Variants in ADGRF5 observed in about 807,000 individuals in gnomAD.
The protein encoded by ADGRF5 is adhesion G protein-coupled receptor F5.
In ADGRF5, 75 loss-of-function variants were observed where a neutral mutation model predicts 132.3. The ratio of observed to expected loss-of-function variants is 0.57; its 90% CI spans 0.47 to 0.69. The LOEUF is 0.69. Among genes scored for constraint, ADGRF5 ranks in the 30% least tolerant of loss-of-function variants. The pLI is 0.00. For synonymous variants in ADGRF5, 629 were observed against 597.6 expected (o/e 1.05, Z -0.77); for missense variants, 1,516 against 1,630.6 (o/e 0.93, Z 1.21).
At chr6:46,893,059 T>TG (rs1773818869) in intron 3 of ADGRF5, among the ~76,000 whole-genome samples, 1 of 18,960 alleles carries the variant, frequency 5.3e-5, no homozygotes, top group Non-Finnish European at 9.4e-5. Context: ...ACAACAGGGA[T>TG]TTTTTTTTTT....
chr6:46,953,738 T>C (rs906146729), intron 1 of ADGRF5, among the ~76,000 whole-genome samples: 1 of 144,228 alleles, frequency 6.9e-6, no homozygotes, highest in South Asian at 2.2e-4. Flanking sequence ...AAGACCCCTG[T>C]AGCAGGGTAT....
intron 1 of ADGRF5, among the ~76,000 whole-genome samples, chr6:46,939,614 G>A (rs958952686): frequency 6.6e-6 from 1 of 151,924 alleles, no homozygotes. Context: ...GCTTCCTTTT[G>A]AACTCATTGT....
chr6:46,860,880 G>A lies in ADGRF5; in HGVS notation c.2214C>T (p.Ser738=), dbSNP rs1291926172. The change falls in exon 16 of 21, where the codon AGC becomes AGT. Residue 738 remains serine, a synonymous_variant. Coordinates refer to ENST00000283296, the MANE Select transcript of ADGRF5 (RefSeq NM_001098518.2). ...TAGGGAGCATCTCATCCTGAGAGGG[G>A]CTCTTGATCAAAGCCTAGTAAAACA... ...LLQMAKALIK[S]PSQDEMLPTY... is the part of the protein sequence containing the mutation. The A allele has an allele frequency of 1.2e-6, 2 of 1,604,956 alleles. No homozygotes were observed. The highest frequency in any genetic ancestry group is 1.3e-5 in the African/African-American group (1 of 74,672).
rs149030760 is a variant in ADGRF5, at chr6:46,864,089, A to G, written c.1990+953T>C. 3.5e-4 allele frequency among the ~76,000 whole-genome samples: 53 copies of G among 152,320 alleles called. 1 individual carries two copies. Among genetic ancestry groups the G allele is most frequent in the African/African-American group, 1.3e-3 (52 of 41,578 alleles). ...CAAGTCCTGTTGCTGGGAAGATTTA[A>G]GAGGATGAGGAGTTGCTTATGGTAG... On this transcript the variant is annotated intron_variant, in intron 14 of 20. Transcript: ENST00000283296.
chr6:46,875,995 C>A (rs1771607853), intron 10 of ADGRF5, among the ~76,000 whole-genome samples: 1 of 152,182 alleles, frequency 6.6e-6, no homozygotes, highest in Non-Finnish European at 1.5e-5. Flanking sequence ...TCATCCTTTT[C>A]CAGAGTGCTT....
chr6:46,892,618 C>A (rs1224486756), intron 3 of ADGRF5, among the ~76,000 whole-genome samples: 1 of 152,000 alleles, frequency 6.6e-6, no homozygotes, highest in Non-Finnish European at 1.5e-5. Context: ...GGTGTGATGG[C>A]AGGCACCTGT....
chr6:46,887,125 A>G (rs1435241361), intron 4 of ADGRF5: 1 of 152,232 alleles, frequency 6.6e-6, no homozygotes, highest in African/African-American at 2.4e-5. Context: ...CTAAAGCTCA[A>G]GTGTCTATAA....
At chr6:46,911,936 A>G (rs1775989829) in intron 1 of ADGRF5, among the ~76,000 whole-genome samples, 1 of 152,168 alleles carries the variant, frequency 6.6e-6, no homozygotes, top group African/African-American at 2.4e-5. Context: ...TACCGAGAAC[A>G]GTAATCATAA....
chr6:46,922,831 T>A (rs576521425), upstream of ADGRF5, among the ~76,000 whole-genome samples: 3 of 152,330 alleles, frequency 2.0e-5, no homozygotes, highest in African/African-American at 7.2e-5. Context: ...CCTCATAGTG[T>A]CAAAGAAAGG....
chr6:46,919,510 G>A (rs867678373), intron 1 of ADGRF5, among the ~76,000 whole-genome samples: 3 of 152,192 alleles, frequency 2.0e-5, no homozygotes, highest in Admixed American at 6.5e-5. Context: ...TGAGGAGGTG[G>A]GACCCCATGG....
intron 14 of ADGRF5, among the ~76,000 whole-genome samples, chr6:46,864,453 C>G (rs1165225686): frequency 6.6e-6 from 1 of 152,152 alleles, no homozygotes; most frequent in Admixed American, 6.5e-5. Context: ...TTCTAATCAC[C>G]TGGTAAACTC....
intron 10 of ADGRF5, among the ~76,000 whole-genome samples, chr6:46,874,495 T>G (rs1329291073): frequency 1.3e-5 from 2 of 152,148 alleles, no homozygotes; most frequent in East Asian, 3.8e-4. Flanking sequence ...GAAGTCAATA[T>G]GTTATGTAGA....
rs548759648 is a variant in ADGRF5, at chr6:46,881,380, T to C, written c.814+75A>G. 3.1e-6 allele frequency: 4 copies of C among 1,307,434 alleles called. No individual in the cohort carries two copies. In the Admixed American group the frequency reaches 5.2e-5, roughly 17 times the overall value. 81.0% of individuals were successfully genotyped at this position (1,307,434 alleles called of 1,614,324 possible). A position where few individuals can be genotyped will look rare whatever the true frequency, so the allele number is the denominator to read the frequency against. On this transcript the variant is annotated intron_variant, in intron 8 of 20. Transcript: ENST00000283296. ...GGAGTGTCTAGCTTCCCAGAGGACATTGTAGCATAAACTAATTTCCTAGGT... is the reference window on the plus strand; with the variant it reads ...GGAGTGTCTAGCTTCCCAGAGGACACTGTAGCATAAACTAATTTCCTAGGT...
intron 1 of ADGRF5, among the ~76,000 whole-genome samples, 153 bp downstream of exon 1, chr6:46,921,560 T>C (rs1385461608): frequency 6.6e-6 from 1 of 152,174 alleles, no homozygotes; most frequent in Non-Finnish European, 1.5e-5. Context: ...ATACTTAACT[T>C]TCCCAACATA....
chr6:46,884,345 G>C, intron 4 of ADGRF5, 74 bp from the exon 5 acceptor site: 1 of 1,177,286 alleles, frequency 8.5e-7, no homozygotes, highest in Non-Finnish European at 1.2e-6. Context: ...ATAGCCTGCA[G>C]GTATTCATTC....
chr6:46,887,391 A>G (rs1773163322), intron 4 of ADGRF5, among the ~76,000 whole-genome samples: 1 of 152,204 alleles, frequency 6.6e-6, no homozygotes, highest in Admixed American at 6.5e-5. Flanking sequence ...AGTGGGAAAC[A>G]CAGCAGAAGT....
Position 46,853,983 on chromosome 6 carries a change from A to C in ADGRF5, c.*9T>G. ...CCCGGGAGGTCACGTAGGTTGGATTATCCTGTTCTTAGTTGAGCAACGAAG... is the reference window on the plus strand; with the variant it reads ...CCCGGGAGGTCACGTAGGTTGGATTCTCCTGTTCTTAGTTGAGCAACGAAG... On this transcript the variant is annotated 3_prime_UTR_variant, in exon 21 of 21. Transcript: ENST00000283296. The C allele has an allele frequency of 6.3e-7, 1 of 1,591,462 alleles. No homozygotes were observed. The highest frequency in any genetic ancestry group is 2.3e-5 in the East Asian group (1 of 43,692).
intron 10 of ADGRF5, among the ~76,000 whole-genome samples, chr6:46,874,105 C>G (rs1771380843): frequency 1.3e-5 from 2 of 152,210 alleles, no homozygotes; most frequent in Non-Finnish European, 2.9e-5. Flanking sequence ...GTTCAGCTCT[C>G]ACCATCTGAT....
intron 1 of ADGRF5, among the ~76,000 whole-genome samples, chr6:46,927,976 C>T (rs116366865): frequency 8.2e-4 from 125 of 152,296 alleles, no homozygotes; most frequent in African/African-American, 2.7e-3. Flanking sequence ...TTGAGACAGA[C>T]GCATAGGCTA....
Sources: allele counts gnomAD v4.1 joint callset (sites outside exome capture counted in the v4.1 genomes callset), GRCh38; gene constraint gnomAD v4.1.1; transcripts MANE v1.5; gene names NCBI Gene and HGNC (gene_info 2026-07-23, HGNC 2026-07-21).